The following BRINP3 variants were observed in gnomAD, a reference collection of about 807,000 sequenced individuals.
BRINP3 encodes BMP/retinoic acid-inducible neural-specific protein 3.
A neutral mutation model predicts 71.0 loss-of-function variants in BRINP3; 19 were observed. The ratio of observed to expected loss-of-function variants is 0.27; its 90% confidence interval spans 0.19 to 0.39. The LOEUF is 0.39. Among genes scored for constraint, BRINP3 ranks in the 10% least tolerant of loss-of-function variants. The probability of loss-of-function intolerance (pLI) is 1.00; values close to 1 mark genes in which losing one functional copy is unlikely to be tolerated. For missense variants in BRINP3, 959 were observed against 940.8 expected (o/e 1.02, Z -0.25); for synonymous variants, 380 against 337.7 (o/e 1.13, Z -1.37).
chr1:190,199,660 C>A (rs1234435124), intron 6 of BRINP3, among the ~76,000 whole-genome samples: 2 of 151,312 alleles, frequency 1.3e-5, no homozygotes, highest in Admixed American at 1.3e-4. Flanking sequence ...CCATCTTTGT[C>A]ACAAGTTAGG....
intron 6 of BRINP3, among the ~76,000 whole-genome samples, chr1:190,183,399 A>G (rs1653212073): frequency 6.6e-6 from 1 of 152,008 alleles, no homozygotes; most frequent in Non-Finnish European, 1.5e-5. Flanking sequence ...GTCTTATTTA[A>G]ATGTGTTTTT....
chr1:190,437,770 T>G (rs956500362), intron 2 of BRINP3, among the ~76,000 whole-genome samples: 3 of 151,754 alleles, frequency 2.0e-5, no homozygotes, highest in Non-Finnish European at 3.0e-5. Context: ...TTAAATACTG[T>G]TAAAAAAACT....
chr1:190,317,474 TC>T (rs771920429), intron 2 of BRINP3, among the ~76,000 whole-genome samples: 1 of 152,140 alleles, frequency 6.6e-6, no homozygotes, highest in Non-Finnish European at 1.5e-5. Context: ...ATATGTCCCT[TC>T]TTCCCTCTTG....
intron 6 of BRINP3, among the ~76,000 whole-genome samples, chr1:190,200,732 T>C (rs1654929290): frequency 6.6e-6 from 1 of 152,090 alleles, no homozygotes; most frequent in South Asian, 2.1e-4. Context: ...TTTCCCATGC[T>C]GTTCCCAGGA....
At chr1:190,476,423 T>A (rs1196786247) in intron 1 of BRINP3, among the ~76,000 whole-genome samples, 1 of 152,092 alleles carries the variant, frequency 6.6e-6, no homozygotes, top group Non-Finnish European at 1.5e-5. Context: ...CATGCAGGTT[T>A]GGCATTTAAT....
At chr1:190,443,030 G>C (rs1674939069) in intron 2 of BRINP3, among the ~76,000 whole-genome samples, 1 of 149,610 alleles carries the variant, frequency 6.7e-6, no homozygotes, top group Non-Finnish European at 1.5e-5. Flanking sequence ...CTCCTGCCTC[G>C]GCCTCCCAAG....
At chr1:190,176,050 G>A (rs1652480285) in intron 6 of BRINP3, among the ~76,000 whole-genome samples, 1 of 152,050 alleles carries the variant, frequency 6.6e-6, no homozygotes, top group Non-Finnish European at 1.5e-5. Context: ...CCCTTTACTT[G>A]TATTCACCCT....
chr1:190,455,029 T>A, intron 1 of BRINP3, 89 bp from the exon 2 acceptor site: 2 of 598,100 alleles, frequency 3.3e-6, no homozygotes, highest in South Asian at 4.8e-5. Context: ...TAAATTTTAA[T>A]CTAATATCAT....
chr1:190,194,334 C>A (rs891157031), intron 6 of BRINP3, among the ~76,000 whole-genome samples: 3 of 151,616 alleles, frequency 2.0e-5, no homozygotes, highest in Admixed American at 6.6e-5. Flanking sequence ...CCTCTGGCCC[C>A]CAGAATTGTG....
At chr1:190,303,643 A>T (rs888421099) in intron 2 of BRINP3, among the ~76,000 whole-genome samples, 1 of 151,818 alleles carries the variant, frequency 6.6e-6, no homozygotes, top group South Asian at 2.1e-4. Flanking sequence ...TAAATTAAGT[A>T]TGAGGACACT....
intron 4 of BRINP3, among the ~76,000 whole-genome samples, chr1:190,247,261 C>A (rs1256435259): frequency 1.3e-5 from 2 of 151,748 alleles, no homozygotes; most frequent in African/African-American, 4.8e-5. Context: ...AGTATTCTCC[C>A]CAGATATAAA....
intron 2 of BRINP3, among the ~76,000 whole-genome samples, chr1:190,319,616 A>G (rs924885429): frequency 2.6e-5 from 4 of 152,132 alleles, no homozygotes; most frequent in African/African-American, 9.7e-5. Flanking sequence ...AGGGAGAGCC[A>G]GCATGTCTTA....
At chr1:190,268,414 A>T (rs1200109403) in intron 3 of BRINP3, among the ~76,000 whole-genome samples, 3 of 152,080 alleles carry the variant, frequency 2.0e-5, no homozygotes, top group Admixed American at 2.0e-4. Context: ...TTCTTTAAAG[A>T]AGTGAAATAT....
intron 5 of BRINP3, among the ~76,000 whole-genome samples, chr1:190,231,499 T>C (rs1329692643): frequency 6.6e-6 from 1 of 151,750 alleles, no homozygotes; most frequent in Non-Finnish European, 1.5e-5. Flanking sequence ...TCTGCCAATT[T>C]TACCAAAAAA....
At chr1:190,299,115 A>G (rs542311795) in intron 2 of BRINP3, among the ~76,000 whole-genome samples, 3 of 152,184 alleles carry the variant, frequency 2.0e-5, no homozygotes, top group African/African-American at 7.2e-5. Context: ...TAATATAGTC[A>G]CTACTTCTTT....
intron 6 of BRINP3, among the ~76,000 whole-genome samples, chr1:190,194,594 T>G (rs990264603): frequency 6.6e-6 from 1 of 152,116 alleles, no homozygotes; most frequent in African/African-American, 2.4e-5. Context: ...CAGTAGTGAA[T>G]AAAACCAATC....
chr1:190,456,318 A>T (rs962558875), intron 1 of BRINP3, among the ~76,000 whole-genome samples: 3 of 152,340 alleles, frequency 2.0e-5, no homozygotes, highest in Non-Finnish European at 4.4e-5. Flanking sequence ...CATTCCTCAC[A>T]TACTGTATGA....
At chr1:190,127,808 T>TA (rs368049720) in intron 7 of BRINP3, among the ~76,000 whole-genome samples, 41 of 151,976 alleles carry the variant, frequency 2.7e-4, no homozygotes, top group African/African-American at 9.9e-4. Context: ...GAGTCCTTTC[T>TA]AATTTTTTTT....
At chr1:190,183,182 T>C (rs1182714465) in intron 6 of BRINP3, among the ~76,000 whole-genome samples, 2 of 152,092 alleles carry the variant, frequency 1.3e-5, no homozygotes, top group Admixed American at 6.6e-5. Flanking sequence ...TCTTTTTCAA[T>C]CTCTGTCAGA....
Sources: gnomAD v4.1 joint callset for allele counts (sites outside exome capture counted in the v4.1 genomes callset) on GRCh38, gnomAD v4.1.1 for gene constraint, MANE v1.5 for transcripts, NCBI Gene and HGNC (gene_info 2026-07-23, HGNC 2026-07-21) for gene names.